KHDRBS2: variants seen among roughly 807,000 people sequenced by gnomAD.
KHDRBS2 encodes the protein KH domain-containing, RNA-binding, signal transduction-associated protein 2.
KHDRBS2 carries 26 observed loss-of-function variants against 44.3 expected under a neutral mutation model. The ratio of observed to expected loss-of-function variants is 0.59; its 90% CI spans 0.43 to 0.81. The LOEUF is 0.81. Ranked by LOEUF, KHDRBS2 falls within the 40% of genes least tolerant of loss-of-function variation. KHDRBS2 has a pLI of 0.00. For missense variants in KHDRBS2, 476 were observed against 433.1 expected (o/e 1.10, Z -0.88); for synonymous variants, 194 against 151.1 (o/e 1.28, Z -2.08).
Position 61,764,611 on chromosome 6 carries a change from C to T in KHDRBS2, c.811-31847G>A, listed in dbSNP as rs144239962. ...GGTATCTCATCGTGGTTTCGATTTG[C>T]ATTTCTCTAATGATCAGTGATATCG... On this transcript the variant is annotated intron_variant, in intron 6 of 8. Coordinates refer to ENST00000281156, the MANE Select transcript of KHDRBS2 (RefSeq NM_152688.4). Among the ~76,000 whole-genome samples the T allele has an allele frequency of 5.4e-3, 819 of 152,196 alleles. 19 individuals are homozygous for T. The highest frequency in any genetic ancestry group is 9.4e-4 in the Non-Finnish European group (64 of 68,014).
intron 2 of KHDRBS2, among the ~76,000 whole-genome samples, chr6:62,140,910 G>T (rs528369477): frequency 8.1e-4 from 123 of 152,276 alleles, no homozygotes; most frequent in Non-Finnish European, 1.4e-3. Context: ...TGCATGCAAA[G>T]AAACTTCTAT....
chr6:61,782,424 T>C (rs948114528), intron 6 of KHDRBS2, among the ~76,000 whole-genome samples: 2 of 151,912 alleles, frequency 1.3e-5, no homozygotes, highest in Non-Finnish European at 2.9e-5. Context: ...CCAGGAACTC[T>C]TAGTTTATTT....
At chr6:61,863,845 T>C (rs1797380390) in intron 6 of KHDRBS2, among the ~76,000 whole-genome samples, 1 of 152,204 alleles carries the variant, frequency 6.6e-6, no homozygotes, top group Non-Finnish European at 1.5e-5. Flanking sequence ...TTTGCTAATG[T>C]TCAGACTCAA....
chr6:61,863,781 A>G (rs577546869), intron 6 of KHDRBS2, among the ~76,000 whole-genome samples: 15 of 152,250 alleles, frequency 9.9e-5, no homozygotes, highest in Admixed American at 5.2e-4. Context: ...GGAGAGTTCT[A>G]TAGATATCTA....
At chr6:61,918,257 A>G (rs867238053) in intron 4 of KHDRBS2, among the ~76,000 whole-genome samples, 51 of 152,032 alleles carry the variant, frequency 3.4e-4, no homozygotes, top group African/African-American at 1.2e-3. Flanking sequence ...CAAAACGAAG[A>G]ACTCCGAAAT....
chr6:61,793,252 A>G (rs999129228), intron 6 of KHDRBS2, among the ~76,000 whole-genome samples: 5 of 152,092 alleles, frequency 3.3e-5, no homozygotes, highest in African/African-American at 1.2e-4. Context: ...TAGATTTCAG[A>G]TAAAAATCTA....
rs1453512266 is a variant in KHDRBS2 at position 62,167,557 on chromosome 6, TC to T, written c.219+9627del. On this transcript the variant is annotated intron_variant, in intron 2 of 8. Transcript: ENST00000281156. ...GGTCTACAGCAATTTGAATTTTTTT[TC>T]CTCATAAAAATGTGAATCAGTGTCA... Among the ~76,000 whole-genome samples the T allele has an allele frequency of 6.6e-5, 10 of 152,240 alleles. No homozygotes were observed. In the South Asian group the frequency reaches 2.1e-3, roughly 32 times the overall value.
chr6:62,076,646 A>C (rs189032579), intron 2 of KHDRBS2, among the ~76,000 whole-genome samples: 1 of 152,138 alleles, frequency 6.6e-6, no homozygotes. Context: ...AATAATAGGG[A>C]CTTTAAAAGT....
At chr6:61,882,497 T>A (rs1169371472) in intron 6 of KHDRBS2, among the ~76,000 whole-genome samples, 7 of 152,014 alleles carry the variant, frequency 4.6e-5, no homozygotes, top group Non-Finnish European at 1.0e-4. Flanking sequence ...GCAGAAGGAA[T>A]AAACGAGGGT....
the KHDRBS2 span, among the ~76,000 whole-genome samples, chr6:61,578,098 T>C: frequency 2.0e-5 from 3 of 152,090 alleles, no homozygotes. Flanking sequence ...AAAGGCTGAA[T>C]GTTAAACGTC....
At chr6:62,277,035 C>A (rs1162625943) in intron 1 of KHDRBS2, among the ~76,000 whole-genome samples, 5 of 152,046 alleles carry the variant, frequency 3.3e-5, no homozygotes, top group Admixed American at 6.6e-5. Flanking sequence ...CAGTGTCTGG[C>A]AAAGAGTAAA....
At chr6:61,822,323 C>CT (rs1170940749) in intron 6 of KHDRBS2, among the ~76,000 whole-genome samples, 1 of 151,990 alleles carries the variant, frequency 6.6e-6, no homozygotes, top group African/African-American at 2.4e-5. Context: ...GTCAAGAAGA[C>CT]TGAACACTCT....
In KHDRBS2 at chr6:62,186,936, C is replaced by A. The variant is rs189449272; in HGVS notation, c.92-9624G>T. ...ATGTATTCAGTGTTTTGAATTAGTT[C>A]TTGCTAAGTTAAATACACATAGATT... On this transcript the variant is annotated intron_variant, in intron 1 of 8. Transcript: ENST00000281156. Among the ~76,000 whole-genome samples the A allele has an allele frequency of 1.8e-3, 270 of 152,080 alleles. 7 individuals are homozygous for A. In the South Asian group the frequency reaches 0.051, roughly 29 times the overall value.
the KHDRBS2 span, among the ~76,000 whole-genome samples, chr6:61,598,750 C>G: frequency 6.6e-6 from 1 of 151,714 alleles, no homozygotes; most frequent in Non-Finnish European, 1.5e-5. Flanking sequence ...CTCCCTGGTT[C>G]CTTGACCTAG....
Position 61,997,039 on chromosome 6 carries a change from C to T in KHDRBS2, c.337-18827G>A, listed in dbSNP as rs532808121. Among the ~76,000 whole-genome samples, 4 of 152,286 alleles carry T rather than the reference C, an allele frequency of 2.6e-5. No individual in the cohort carries two copies. The South Asian group carries it at 8.3e-4, about 32-fold the overall frequency. On this transcript the variant is annotated intron_variant, in intron 3 of 8. Transcript: ENST00000281156. Reference sequence around the variant, plus strand: ...CTCGTGATCCGCCCACCTTGGCCTCCCAAAGTGCTGGGATTACAGGCATGA... The same window carrying T: ...CTCGTGATCCGCCCACCTTGGCCTCTCAAAGTGCTGGGATTACAGGCATGA...
chr6:61,948,262 T>C (rs1316019221), intron 4 of KHDRBS2, among the ~76,000 whole-genome samples: 7 of 152,160 alleles, frequency 4.6e-5, no homozygotes, highest in Admixed American at 2.0e-4. Flanking sequence ...AGTGGCTTTT[T>C]AGTCTAACTT....
intron 6 of KHDRBS2, among the ~76,000 whole-genome samples, chr6:61,756,467 C>T (rs997060377): frequency 2.6e-5 from 4 of 152,070 alleles, no homozygotes; most frequent in Non-Finnish European, 4.4e-5. Context: ...GCCATGTTGA[C>T]CAGGCTGGTC....
At chr6:61,842,917 C>CAGATAAACTATCTGTATAGATTACAGAT (rs1349967466) in intron 6 of KHDRBS2, among the ~76,000 whole-genome samples, 24 of 134,822 alleles carry the variant, frequency 1.8e-4, no homozygotes, top group South Asian at 2.4e-4. Context: ...ATAATCTATA[C>CAGATAAACTATCTGTATAGATTACAGAT]AGATAAACTA....
intron 2 of KHDRBS2, among the ~76,000 whole-genome samples, chr6:62,061,767 G>A (rs1400653620): frequency 6.7e-6 from 1 of 148,816 alleles, no homozygotes; most frequent in African/African-American, 2.5e-5. Context: ...CCTGCAGAGT[G>A]TTTTCCAACT....
Sources: gnomAD v4.1 joint callset for allele counts (sites outside exome capture counted in the v4.1 genomes callset) on GRCh38, gnomAD v4.1.1 for gene constraint, MANE v1.5 for transcripts, NCBI Gene and HGNC (gene_info 2026-07-23, HGNC 2026-07-21) for gene names.